TICRR: variants seen among roughly 807,000 people sequenced by gnomAD.
The protein encoded by TICRR is TOPBP1 interacting checkpoint and replication regulator.
In TICRR, 132 loss-of-function variants were observed where a neutral mutation model predicts 178.1. That is an observed-to-expected ratio of 0.74 (90% CI 0.64 to 0.86). The LOEUF (loss-of-function observed/expected upper bound fraction) is 0.86, where lower values mean the gene tolerates loss of function less well. TICRR is among the 40% of genes least tolerant of loss of function. TICRR has a pLI of 0.00. For synonymous variants in TICRR, 991 were observed against 900.7 expected (o/e 1.10, Z -1.79); for missense variants, 2,587 against 2,334.3 (o/e 1.11, Z -2.23).
chr15:89,624,476 C>G lies in TICRR; in HGVS notation c.4166C>G (p.Ser1389Cys). 1 of 1,614,174 alleles carries G rather than the reference C, an allele frequency of 6.2e-7. No individual in the cohort carries two copies. Among genetic ancestry groups the G allele is most frequent in the Admixed American group, 1.7e-5 (1 of 60,024 alleles). ...GTTGGGAAACGGTGTAGAAAGACCTCTGATCCCAGAAGGAGCATCGTGGAG... is the reference window on the plus strand; with the variant it reads ...GTTGGGAAACGGTGTAGAAAGACCTGTGATCCCAGAAGGAGCATCGTGGAG... ...SKVGKRCRKT[S>C]DPRRSIVECQ... Residue 1389 changes from serine (S) to cysteine (C), a missense_variant, in exon 20 of 22, where the codon TCT (serine) becomes TGT (cysteine). Ser to Cys is a moderately radical substitution (Grantham distance 112). Transcript: ENST00000268138.
chr15:89,584,228 T>G, intron 2 of TICRR, 58 bp from the exon 3 acceptor site: 1 of 1,479,538 alleles, frequency 6.8e-7, no homozygotes, highest in Non-Finnish European at 9.1e-7. Context: ...TATTGGAATT[T>G]TAATCTTTTT....
At chr15:89,590,796 A>G (rs1002049183) in intron 4 of TICRR, among the ~76,000 whole-genome samples, 5 of 152,240 alleles carry the variant, frequency 3.3e-5, no homozygotes. Flanking sequence ...GAATTCTTTC[A>G]CTGATAGAAA....
At chr15:89,594,343 T>G (rs1265033108) in intron 5 of TICRR, 72 bp from the exon 6 acceptor site, 35 of 1,363,040 alleles carry the variant, frequency 2.6e-5, no homozygotes, top group Non-Finnish European at 3.2e-5. Context: ...ATAGTGGGTA[T>G]TTTGGTGTTA....
At position 89,625,112 on chromosome 15, in the gene TICRR, T is replaced by C; in HGVS notation, c.4802T>C (p.Phe1601Ser). Residue 1601 changes from phenylalanine to serine, a missense_variant, in exon 20 of 22, where the codon TTC becomes TCC. Transcript: ENST00000268138. ...GAGAGCTCTCTGGGAGAAGAGAGCT[T>C]CCTCCCTGCTCTCAGCATGCCCAGG... ...KEESSLGEES[F>S]LPALSMPRAS... is the part of the protein sequence containing the mutation. 1 of 1,613,720 alleles carries C rather than the reference T, an allele frequency of 6.2e-7. No homozygotes were observed. The highest frequency in any genetic ancestry group is 1.7e-5 in the Admixed American group (1 of 60,012).
Position 89,595,510 on chromosome 15 carries a change from C to A in TICRR, c.1799C>A (p.Pro600Gln). The stretch of plus-strand genomic sequence containing the variant: ...CAGAAGTTACATCCAGATGGCAGTC[C>A]GGATGTGGCTGGGGAGAAAGGAATC... ...KAQKLHPDGS[P>Q]DVAGEKGIQK... The change falls in exon 7 of 22, where the codon CCG becomes CAG. Residue 600 changes from proline (P) to glutamine (Q), a missense_variant. Coordinates refer to ENST00000268138, the MANE Select transcript of TICRR (RefSeq NM_152259.4). 1 of 1,613,862 alleles carries A rather than the reference C, an allele frequency of 6.2e-7. No homozygotes were observed. The highest frequency in any genetic ancestry group is 8.5e-7 in the Non-Finnish European group (1 of 1,179,818).
In TICRR at chr15:89,625,133, C is replaced by G; in HGVS notation, c.4823C>G (p.Pro1608Arg). ...EESFLPALSM[P>R]RASRSLSKPE... ...AGCTTCCTCCCTGCTCTCAGCATGCCCAGGGCCAGCAGGTCCTTAAGCAAA... is the reference window on the plus strand; with the variant it reads ...AGCTTCCTCCCTGCTCTCAGCATGCGCAGGGCCAGCAGGTCCTTAAGCAAA... Residue 1608 changes from proline (P) to arginine (R), a missense_variant, in exon 20 of 22, where the codon CCC becomes CGC. Coordinates refer to ENST00000268138, the MANE Select transcript of TICRR (RefSeq NM_152259.4). 3.7e-6 allele frequency: 6 copies of G among 1,613,910 alleles called. No individual in the cohort carries two copies. Among genetic ancestry groups the G allele is most frequent in the Non-Finnish European group, 5.1e-6 (6 of 1,179,996 alleles).
In TICRR at chr15:89,625,650, G is replaced by A; in HGVS notation, c.5340G>A (p.Lys1780=). 6.2e-7 allele frequency: 1 copy of A among 1,613,708 alleles called. No homozygotes were observed. Among genetic ancestry groups the A allele is most frequent in the South Asian group, 1.1e-5 (1 of 91,076 alleles). ...CCAGGAAGAGAGTCCTGTTGGCCAA[G>A]GAAGAAGCTGACCGTGGAGCCAAAA... The part of the protein sequence containing the change: ...LSSRKRVLLA[K]EEADRGAKRI... Residue 1780 remains lysine, a synonymous_variant, in exon 20 of 22, where the codon AAG becomes AAA. Coordinates refer to ENST00000268138, the MANE Select transcript of TICRR (RefSeq NM_152259.4).
intron 16 of TICRR, among the ~76,000 whole-genome samples, chr15:89,617,648 GAGT>G (rs1316818856): frequency 8.6e-6 from 1 of 115,874 alleles, no homozygotes; most frequent in Non-Finnish European, 2.0e-5. Flanking sequence ...TCAGCCTCCA[GAGT>G]AGCTGAACTA....
rs200662212 is a variant in TICRR at position 89,621,426 on chromosome 15, G to T, written c.3188G>T (p.Arg1063Leu). 1.9e-4 allele frequency: 305 copies of T among 1,610,450 alleles called. No homozygotes were observed. Among genetic ancestry groups the T allele is most frequent in the Middle Eastern group, 3.3e-4 (2 of 6,070 alleles). The change falls in exon 19 of 22, where the codon CGG (arginine) becomes CTG (leucine). Residue 1063 changes from arginine (R) to leucine (L), a missense_variant. Physicochemically the swap from Arg to Leu is moderately radical, Grantham distance 102. Transcript: ENST00000268138. The stretch of plus-strand genomic sequence containing the variant: ...GAAAATTCTCCAGTCCAAAGTATTC[G>T]GTCTCCCAAGAGTCTTCTTTTTGGG... ...QRENSPVQSI[R>L]SPKSLLFGAM...
rs75498674 is a variant in TICRR, at chr15:89,627,534, G to A, written c.*448G>A. On this transcript the variant is annotated 3_prime_UTR_variant, in exon 22 of 22. Transcript: ENST00000268138. ...AGCCATATACGTGAAACTGAAGAGT[G>A]CATTGGGCAGTGGAAGCTATTTTTT... is the stretch of plus-strand genomic sequence containing the variant. 2.2e-3 allele frequency: 356 copies of A among 162,098 alleles called. No individual in the cohort carries two copies. Among genetic ancestry groups the A allele is most frequent in the Admixed American group, 4.9e-3 (81 of 16,386 alleles). 10.0% of individuals were successfully genotyped at this position (162,098 alleles called of 1,614,324 possible).
At chr15:89,597,503 T>G (rs1004243036) in intron 7 of TICRR, among the ~76,000 whole-genome samples, 1 of 148,440 alleles carries the variant, frequency 6.7e-6, no homozygotes, top group Non-Finnish European at 1.5e-5. Context: ...CCAGCCTGGG[T>G]GACGGAGCAA....
chr15:89,610,554 T>C (rs2141971987), intron 15 of TICRR, among the ~76,000 whole-genome samples: 1 of 152,318 alleles, frequency 6.6e-6, no homozygotes, highest in Non-Finnish European at 1.5e-5. Context: ...AGGATATCTT[T>C]CATTGTCCTT....
In TICRR at chr15:89,605,462, G is replaced by A. The variant is rs181874910; in HGVS notation, c.2665-1306G>A. 4.7e-3 allele frequency among the ~76,000 whole-genome samples: 709 copies of A among 152,142 alleles called. 11 individuals carry two copies. The highest frequency in any genetic ancestry group is 0.016 in the African/African-American group (678 of 41,510). The stretch of plus-strand genomic sequence containing the variant: ...CGACTCACTGCAAGCTCCACCTCCC[G>A]GGTTCACGCCATTCTCCTGCCTCAG... On this transcript the variant is annotated intron_variant, in intron 13 of 21. Transcript: ENST00000268138.
intron 17 of TICRR, 97 bp downstream of exon 17, chr15:89,618,307 A>T (rs1963368228): frequency 1.7e-6 from 2 of 1,150,762 alleles, no homozygotes; most frequent in Non-Finnish European, 1.3e-6. Context: ...AAGATATTTT[A>T]CAGAAATTGT....
intron 14 of TICRR, 146 bp downstream of exon 14, chr15:89,606,971 A>C: frequency 3.4e-6 from 2 of 584,552 alleles, no homozygotes; most frequent in South Asian, 6.0e-5. Context: ...CCATGGACAT[A>C]GTCCCCTAGG....
Position 89,623,941 on chromosome 15 carries a change from A to T in TICRR, c.3631A>T (p.Thr1211Ser). The change falls in exon 20 of 22, where the codon ACT becomes TCT. Residue 1211 changes from threonine to serine, a missense_variant. Transcript: ENST00000268138. ...TQPPGFLPNC[T>S]WPHSVNSSPE... Reference sequence around the variant, plus strand: ...GCCGCCTGGGTTTTTGCCAAACTGTACTTGGCCACATTCAGTGAATTCCAG... The same window carrying T: ...GCCGCCTGGGTTTTTGCCAAACTGTTCTTGGCCACATTCAGTGAATTCCAG... 6.2e-7 allele frequency: 1 copy of T among 1,614,092 alleles called. No homozygotes were observed. The highest frequency in any genetic ancestry group is 8.5e-7 in the Non-Finnish European group (1 of 1,180,024).
chr15:89,579,391 G>A (rs1481698166), intron 1 of TICRR, among the ~76,000 whole-genome samples: 1 of 152,138 alleles, frequency 6.6e-6, no homozygotes, highest in African/African-American at 2.4e-5. Flanking sequence ...TGTCGCCCAG[G>A]CTGGAGTGCA....
intron 1 of TICRR, 45 bp downstream of exon 1, chr15:89,576,285 C>T (rs916100501): frequency 2.0e-6 from 3 of 1,482,356 alleles, no homozygotes; most frequent in Non-Finnish European, 2.7e-6. Context: ...ACGGTGCTTT[C>T]CTTGCTAACC....
At chr15:89,610,995 A>G (rs992217284) in intron 15 of TICRR, among the ~76,000 whole-genome samples, 1 of 151,886 alleles carries the variant, frequency 6.6e-6, no homozygotes, top group Non-Finnish European at 1.5e-5. Context: ...ATATTGTTGT[A>G]GACTGCATCT....
Sources: gnomAD v4.1 joint callset for allele counts (sites outside exome capture counted in the v4.1 genomes callset) on GRCh38, gnomAD v4.1.1 for gene constraint, MANE v1.5 for transcripts, NCBI Gene and HGNC (gene_info 2026-07-23, HGNC 2026-07-21) for gene names.